Variants in ACSM3 observed in about 807,000 individuals in gnomAD.
ACSM3 encodes acyl-coenzyme A synthetase ACSM3, mitochondrial.
Under a neutral mutation model 74.1 loss-of-function variants are expected in ACSM3, and 61 were observed. That is an observed-to-expected ratio of 0.82 (90% CI 0.67 to 1.02). The LOEUF (loss-of-function observed/expected upper bound fraction) is 1.02, where lower values mean the gene tolerates loss of function less well. ACSM3 is among the 50% of genes least tolerant of loss of function. The pLI is 0.00. For missense variants in ACSM3, 660 were observed against 697.0 expected (o/e 0.95, Z 0.60); for synonymous variants, 213 against 241.5 (o/e 0.88, Z 1.09).
chr16:20,714,217 A>AG (rs1218297647), intron 1 of ACSM3, among the ~76,000 whole-genome samples: 3 of 152,060 alleles, frequency 2.0e-5, no homozygotes, highest in Non-Finnish European at 4.4e-5. Context: ...GCAAAAAAAA[A>AG]AAACACCCTA....
At chr16:20,675,645 T>C (rs2020233305) in intron 1 of ACSM3, among the ~76,000 whole-genome samples, 1 of 152,212 alleles carries the variant, frequency 6.6e-6, no homozygotes, top group Non-Finnish European at 1.5e-5. Context: ...GTTAAGGACA[T>C]ACTGTGAATT....
chr16:20,690,889 G>A (rs1157454542), intron 1 of ACSM3: 2 of 1,082,460 alleles, frequency 1.8e-6, no homozygotes, highest in African/African-American at 1.6e-5. Flanking sequence ...ACACTGATAA[G>A]TTGAGGCAGA....
At chr16:20,769,941 TC>T (rs2080170561) in intron 1 of ACSM3, 42 bp from the exon 2 acceptor site, 1 of 1,316,158 alleles carries the variant, frequency 7.6e-7, no homozygotes, top group Non-Finnish European at 1.1e-6. Context: ...ATGGCTACCT[TC>T]AGGACAGAAA....
At chr16:20,788,512 T>C (rs1596534354) in intron 9 of ACSM3, among the ~76,000 whole-genome samples, 1 of 152,312 alleles carries the variant, frequency 6.6e-6, no homozygotes, top group East Asian at 1.9e-4. Context: ...TTTTAACTCT[T>C]TTCCACGGGC....
chr16:20,705,066 G>A (rs1459725251), intron 1 of ACSM3, among the ~76,000 whole-genome samples: 1 of 152,138 alleles, frequency 6.6e-6, no homozygotes, highest in Non-Finnish European at 1.5e-5. Context: ...ATAAGCCCTG[G>A]ACAAAATATA....
At position 20,777,355 on chromosome 16, in the gene ACSM3, T is replaced by C; in HGVS notation, c.431-18T>C. 6.2e-7 allele frequency: 1 copy of C among 1,603,114 alleles called. No individual in the cohort carries two copies. The highest frequency in any genetic ancestry group is 8.5e-7 in the Non-Finnish European group (1 of 1,171,296). ...AATAACATTTCTTCTAAACACTGTT[T>C]CTTTTCTGCCCCTTTAGGGACAGTT... On this transcript the variant is annotated intron_variant, in intron 3 of 13. Transcript: ENST00000289416.
intron 1 of ACSM3, chr16:20,711,662 GT>G: frequency 1.5e-6 from 1 of 648,044 alleles, no homozygotes. Context: ...AGGTGGCTCA[GT>G]TTCCAGGAGT....
rs1467865249 is a variant in ACSM3 at position 20,796,391 on chromosome 16, C to G, written c.1576C>G (p.Leu526Val). Residue 526 changes from leucine (L) to valine (V), a missense_variant, in exon 13 of 14, where the codon CTA (leucine) becomes GTA (valine). Coordinates refer to ENST00000289416, the MANE Select transcript of ACSM3 (RefSeq NM_005622.4). ...RGEVVKAFVV[L>V]NPDYKSHDQE... ...TTAGGTAGTAAAGGCTTTTGTCGTT[C>G]TAAATCCTGATTACAAGTCACATGA... 6.2e-7 allele frequency: 1 copy of G among 1,611,950 alleles called. No individual in the cohort carries two copies. The highest frequency in any genetic ancestry group is 1.3e-5 in the African/African-American group (1 of 74,684).
At chr16:20,709,733 A>T (rs1405254961) in intron 1 of ACSM3, among the ~76,000 whole-genome samples, 1 of 152,252 alleles carries the variant, frequency 6.6e-6, no homozygotes, top group African/African-American at 2.4e-5. Context: ...AGCTTTTAAA[A>T]TATATTCATA....
intron 1 of ACSM3, chr16:20,727,554 A>G: frequency 3.8e-6 from 1 of 266,016 alleles, no homozygotes; most frequent in Non-Finnish European, 7.7e-6. Flanking sequence ...AAGTGCCTCC[A>G]TCCCACTCTA....
intron 4 of ACSM3, 134 bp downstream of exon 4, chr16:20,777,714 C>T (rs1017477023): frequency 1.3e-6 from 1 of 775,084 alleles, no homozygotes; most frequent in East Asian, 2.7e-5. Context: ...GTTATTGCTG[C>T]ACTAATAGTG....
chr16:20,710,279 C>G (rs1042428898), intron 1 of ACSM3, among the ~76,000 whole-genome samples: 1 of 152,152 alleles, frequency 6.6e-6, no homozygotes, highest in Non-Finnish European at 1.5e-5. Context: ...CCAATGGGCA[C>G]AACCACATGG....
chr16:20,743,929 TACTATATGGAGGCAA>T (rs1207658557), intron 1 of ACSM3: 9 of 152,318 alleles, frequency 5.9e-5, no homozygotes, highest in Non-Finnish European at 1.3e-4. Flanking sequence ...CATATTTGAG[TACTATATGGAGGCAA>T]ACTTGAAAAA....
chr16:20,774,912 G>A (rs929814475), intron 2 of ACSM3, among the ~76,000 whole-genome samples: 25 of 152,196 alleles, frequency 1.6e-4, no homozygotes, highest in African/African-American at 6.0e-4. Context: ...CAGGCACAAA[G>A]CGGCTCTGCC....
chr16:20,789,469 GCTTA>G (rs1567361491), intron 9 of ACSM3: 1 of 1,599,026 alleles, frequency 6.3e-7, no homozygotes, highest in African/African-American at 1.3e-5. Flanking sequence ...CAAGGCTGTG[GCTTA>G]CTTACCATTG....
intron 1 of ACSM3, chr16:20,681,217 G>A (rs1048947892): frequency 6.6e-6 from 1 of 152,118 alleles, no homozygotes; most frequent in Non-Finnish European, 1.5e-5. Flanking sequence ...TAGATTTATT[G>A]GCAATACAAG....
intron 1 of ACSM3, chr16:20,682,381 A>T: frequency 6.2e-7 from 1 of 1,614,034 alleles, no homozygotes; most frequent in Non-Finnish European, 8.5e-7. Flanking sequence ...CTATGGTCAC[A>T]ATGCCCTTGG....
At chr16:20,694,068 G>C (rs562086063) in intron 1 of ACSM3, among the ~76,000 whole-genome samples, 2 of 152,316 alleles carry the variant, frequency 1.3e-5, no homozygotes, top group Admixed American at 1.3e-4. Flanking sequence ...CAAGCATTAG[G>C]CCATAGCCTG....
chr16:20,759,096 C>A (rs563005361), upstream of ACSM3, among the ~76,000 whole-genome samples: 9 of 152,178 alleles, frequency 5.9e-5, no homozygotes, highest in East Asian at 1.7e-3. Context: ...GGGCTGGTTG[C>A]CAGGAGAACC....
Sources: gnomAD v4.1 joint callset for allele counts (sites outside exome capture counted in the v4.1 genomes callset) on GRCh38, gnomAD v4.1.1 for gene constraint, MANE v1.5 for transcripts, NCBI Gene and HGNC (gene_info 2026-07-23, HGNC 2026-07-21) for gene names.